The following ASIP variants were observed in gnomAD, a reference collection of about 807,000 sequenced individuals.
ASIP encodes agouti signaling protein.
In ASIP, 11 loss-of-function variants were observed where a neutral mutation model predicts 10.3. The ratio of observed to expected loss-of-function variants is 1.07; its 90% CI spans 0.68 to 1.78. ASIP has a LOEUF of 1.78. ASIP is among the 40% of genes most tolerant of loss of function. ASIP has a pLI of 0.00. For synonymous variants in ASIP, 70 were observed against 70.8 expected, an observed-to-expected ratio of 0.99 and a Z score of 0.06; for missense variants, 180 against 169.2, an observed-to-expected ratio of 1.06 and a Z score of -0.35.
chr20:34,249,416 T>C (rs963716198), intron 1 of ASIP, among the ~76,000 whole-genome samples: 1 of 152,058 alleles, frequency 6.6e-6, no homozygotes, highest in Admixed American at 6.6e-5. Context: ...TATGACTTAC[T>C]GCTGAAACTT....
chr20:34,258,452 C>G (rs1234841553), intron 1 of ASIP, among the ~76,000 whole-genome samples: 1 of 149,572 alleles, frequency 6.7e-6, no homozygotes, highest in African/African-American at 2.5e-5. Context: ...GTACTGTAGT[C>G]ACTCATTTGG....
chr20:34,230,849 G>T (rs1420910077), intron 1 of ASIP, among the ~76,000 whole-genome samples: 1 of 24,610 alleles, frequency 4.1e-5, no homozygotes, highest in Admixed American at 4.2e-4. Flanking sequence ...GGTGGCTGCC[G>T]GGCGGAGAGG....
chr20:34,221,939 G>C (rs1443377345), intron 1 of ASIP, among the ~76,000 whole-genome samples: 6 of 151,978 alleles, frequency 3.9e-5, no homozygotes, highest in Admixed American at 3.3e-4. Context: ...GCAAAACCTT[G>C]TCCCTACAAA....
In ASIP at chr20:34,262,896, A is replaced by G. The variant is rs2122668278; in HGVS notation, c.222+3A>G. ...CAGAAAAGAAAAGATCTTCTAAGGT[A>G]AGGGCAGGGAAGTTCTGGGAGTTCT... On this transcript the variant is annotated splice_donor_region_variant and intron_variant, in intron 3 of 3. Coordinates refer to ENST00000374954, the MANE Select transcript of ASIP (RefSeq NM_001672.3). 1 of 1,613,916 alleles carries G rather than the reference A, an allele frequency of 6.2e-7. No homozygotes were observed. The highest frequency in any genetic ancestry group is 1.1e-5 in the South Asian group (1 of 91,082).
intron 1 of ASIP, among the ~76,000 whole-genome samples, chr20:34,207,875 C>T (rs935095332): frequency 5.3e-5 from 8 of 151,800 alleles, no homozygotes; most frequent in East Asian, 1.9e-4. Context: ...CTGCAAGCTC[C>T]GCCTTCCAGG....
the ASIP span, among the ~76,000 whole-genome samples, chr20:34,188,252 T>C: frequency 3.3e-5 from 5 of 152,208 alleles, no homozygotes; most frequent in East Asian, 9.6e-4. Flanking sequence ...GCCAGTTTAG[T>C]TTTTTCAGTT....
intron 1 of ASIP, among the ~76,000 whole-genome samples, chr20:34,253,521 G>A (rs998656979): frequency 1.3e-5 from 2 of 150,584 alleles, no homozygotes; most frequent in African/African-American, 4.9e-5. Context: ...TGCCCAGGCC[G>A]GAGTGCAATG....
At chr20:34,246,513 C>T in intron 1 of ASIP, 2 of 1,235,642 alleles carry the variant, frequency 1.6e-6, no homozygotes, top group South Asian at 1.2e-5. Flanking sequence ...TTGCAATCAG[C>T]CCCACTGGAT....
intron 2 of ASIP, 30 bp downstream of exon 2, chr20:34,260,564 C>T: frequency 6.3e-7 from 1 of 1,577,116 alleles, no homozygotes; most frequent in Non-Finnish European, 8.7e-7. Flanking sequence ...GGCTCTGGCC[C>T]AGGAGAGGGG....
intron 1 of ASIP, among the ~76,000 whole-genome samples, chr20:34,253,225 C>T (rs1601602928): frequency 6.6e-6 from 1 of 151,790 alleles, no homozygotes; most frequent in East Asian, 2.0e-4. Context: ...CCTGCCTCAG[C>T]CTCCCGAGTA....
At chr20:34,237,920 G>T (rs930439459), upstream of ASIP, among the ~76,000 whole-genome samples, 2 of 152,118 alleles carry the variant, frequency 1.3e-5, no homozygotes, top group Non-Finnish European at 2.9e-5. Flanking sequence ...TCTGATATAG[G>T]ATTCTTGGTT....
rs191198227 is a variant in ASIP at position 34,212,938 on chromosome 20, C to G, written c.-11+18178C>G. Among the ~76,000 whole-genome samples the G allele has an allele frequency of 2.1e-3, 321 of 152,314 alleles. 3 individuals are homozygous for G. The highest frequency in any genetic ancestry group is 7.5e-3 in the African/African-American group (313 of 41,574). ...AAATTAAGATTTTCCAACTCCAGCA[C>G]TGCTTTTGAGTGACTGTAGGACTTA... On this transcript the variant is annotated intron_variant, in intron 1 of 3. Transcript: ENST00000568305.
chr20:34,262,854 G>A lies in ASIP; in HGVS notation c.183G>A (p.Gln61=). 1 of 1,614,004 alleles carries A rather than the reference G, an allele frequency of 6.2e-7. No individual in the cohort carries two copies. Among genetic ancestry groups the A allele is most frequent in the Non-Finnish European group, 8.5e-7 (1 of 1,179,946 alleles). Residue 61 remains glutamine (Q), a synonymous_variant, in exon 3 of 4, where the codon CAG becomes CAA. Transcript: ENST00000374954. ...SIVALNKKSK[Q]IGRKAAEKKR... ...AAGCGCTGAACAAGAAATCCAAACA[G>A]ATCGGCAGAAAAGCAGCAGAAAAGA...
Position 34,269,119 on chromosome 20 carries a change from C to T in ASIP, c.351C>T (p.Arg117=). 1 of 1,560,586 alleles carries T rather than the reference C, an allele frequency of 6.4e-7. No individual in the cohort carries two copies. The highest frequency in any genetic ancestry group is 8.7e-7 in the Non-Finnish European group (1 of 1,152,880). Residue 117 remains arginine (R), a synonymous_variant, in exon 4 of 4, where the codon CGC becomes CGT. Coordinates refer to ENST00000374954, the MANE Select transcript of ASIP (RefSeq NM_001672.3). ...ACCCGTGCGCCTCCTGCCAGTGCCG[C>T]TTCTTCCGCAGCGCCTGCTCCTGCC... ...CCDPCASCQC[R]FFRSACSCRV...
At chr20:34,261,506 C>A (rs908303055) in intron 2 of ASIP, among the ~76,000 whole-genome samples, 2 of 152,152 alleles carry the variant, frequency 1.3e-5, no homozygotes, top group Admixed American at 1.3e-4. Flanking sequence ...TGGTAGCATG[C>A]GCCTGTAGTC....
chr20:34,262,832 C>T lies in ASIP; in HGVS notation c.161C>T (p.Ala54Val), dbSNP rs1331668211. The change falls in exon 3 of 4, where the codon GCG (alanine) becomes GTG (valine). Residue 54 changes from alanine (A) to valine (V), a missense_variant and splice_region_variant. Ala to Val is a moderately conservative substitution (Grantham distance 64). Transcript: ENST00000374954. Reference sequence around the variant, plus strand: ...TTGCTCCTTTTGTCTCTCTTTGAAGCGCTGAACAAGAAATCCAAACAGATC... The same window carrying T: ...TTGCTCCTTTTGTCTCTCTTTGAAGTGCTGAACAAGAAATCCAAACAGATC... Reference protein sequence around the residue: ...LLDVPSVSIVALNKKSKQIGR... With the variant: ...LLDVPSVSIVVLNKKSKQIGR... 3 of 1,613,802 alleles carry T rather than the reference C, an allele frequency of 1.9e-6. No individual in the cohort carries two copies. Among genetic ancestry groups the T allele is most frequent in the Admixed American group, 1.7e-5 (1 of 59,988 alleles).
At chr20:34,258,102 C>A (rs909543782) in intron 1 of ASIP, among the ~76,000 whole-genome samples, 5 of 151,650 alleles carry the variant, frequency 3.3e-5, no homozygotes, top group African/African-American at 1.2e-4. Flanking sequence ...CAAGATCGCA[C>A]CACTGCACTC....
the ASIP span, among the ~76,000 whole-genome samples, chr20:34,186,784 T>C: frequency 6.6e-6 from 1 of 152,074 alleles, no homozygotes; most frequent in Non-Finnish European, 1.5e-5. Flanking sequence ...TGGGGTAGCT[T>C]TGGCAGCAGT....
At chr20:34,265,684 T>C (rs2035771928) in intron 3 of ASIP, among the ~76,000 whole-genome samples, 1 of 152,162 alleles carries the variant, frequency 6.6e-6, no homozygotes, top group Non-Finnish European at 1.5e-5. Flanking sequence ...GCACAGTGGC[T>C]CACACCTGTA....
Sources: allele counts gnomAD v4.1 joint callset (sites outside exome capture counted in the v4.1 genomes callset), GRCh38; gene constraint gnomAD v4.1.1; transcripts MANE v1.5; gene names NCBI Gene and HGNC (gene_info 2026-07-23, HGNC 2026-07-21).